ANGPT1: variants seen among roughly 807,000 people sequenced by gnomAD.
ANGPT1 encodes the protein angiopoietin 1.
Under a neutral mutation model 62.2 loss-of-function variants are expected in ANGPT1, and 17 were observed. The ratio of observed to expected loss-of-function variants is 0.27; its 90% CI spans 0.19 to 0.41. The LOEUF (loss-of-function observed/expected upper bound fraction) is 0.41, where lower values mean the gene tolerates loss of function less well. Among genes scored for constraint, ANGPT1 ranks in the 10% least tolerant of loss-of-function variants. ANGPT1 has a pLI of 1.00. For synonymous variants in ANGPT1, 199 were observed against 198.9 expected (o/e 1.00, Z 0.00); for missense variants, 478 against 594.9 (o/e 0.80, Z 2.04).
intron 1 of ANGPT1, among the ~76,000 whole-genome samples, chr8:107,374,534 C>T (rs913779698): frequency 6.6e-6 from 1 of 152,204 alleles, no homozygotes; most frequent in Non-Finnish European, 1.5e-5. Flanking sequence ...ACTTTGAGCT[C>T]ACTAAACTCC....
chr8:107,398,883 T>C (rs192825975), intron 1 of ANGPT1, among the ~76,000 whole-genome samples: 7 of 152,260 alleles, frequency 4.6e-5, no homozygotes, highest in African/African-American at 1.7e-4. Context: ...CTCTAGATGT[T>C]CTAGGAAAAT....
chr8:107,484,816 T>G (rs1812775806), intron 1 of ANGPT1, among the ~76,000 whole-genome samples: 1 of 152,230 alleles, frequency 6.6e-6, no homozygotes, highest in Non-Finnish European at 1.5e-5. Flanking sequence ...GCAGAAAATG[T>G]GATTATGTTA....
intron 8 of ANGPT1, among the ~76,000 whole-genome samples, chr8:107,263,847 C>T (rs553833508): frequency 6.6e-6 from 1 of 152,132 alleles, no homozygotes; most frequent in African/African-American, 2.4e-5. Flanking sequence ...TAACTTACTA[C>T]ATAATTGCGA....
rs553262990 is a variant in ANGPT1, at chr8:107,380,339, G to A, written c.298-33242C>T. 4.0e-4 allele frequency among the ~76,000 whole-genome samples: 57 copies of A among 142,716 alleles called. No individual in the cohort carries two copies. In the South Asian group the frequency reaches 7.4e-3, roughly 18 times the overall value. The allele number at this position is 142,716 out of a possible 152,430, so 93.6% of individuals were successfully genotyped here. Reference sequence around the variant, plus strand: ...ATTTGACATCGAATGTTTATTGAGCGTTTATCATGTGCAGGATGTTTGTGT... The same window carrying A: ...ATTTGACATCGAATGTTTATTGAGCATTTATCATGTGCAGGATGTTTGTGT... On this transcript the variant is annotated intron_variant, in intron 1 of 8. Transcript: ENST00000517746.
chr8:107,382,651 A>T (rs1170541719), intron 1 of ANGPT1, among the ~76,000 whole-genome samples: 1 of 152,114 alleles, frequency 6.6e-6, no homozygotes, highest in Non-Finnish European at 1.5e-5. Context: ...GGGAAAAAAA[A>T]ATGTGCATAA....
chr8:107,315,453 T>A (rs542191631), intron 4 of ANGPT1, among the ~76,000 whole-genome samples: 1 of 152,258 alleles, frequency 6.6e-6, no homozygotes, highest in South Asian at 2.1e-4. Context: ...CATTTTAGTC[T>A]CTGAGATATG....
intron 1 of ANGPT1, among the ~76,000 whole-genome samples, chr8:107,385,705 T>C (rs919443748): frequency 6.6e-6 from 1 of 152,104 alleles, no homozygotes; most frequent in African/African-American, 2.4e-5. Flanking sequence ...CCTTGTTTCA[T>C]TTCAGTTCTC....
Position 107,363,522 on chromosome 8 carries a change from G to T in ANGPT1, c.298-16425C>A, listed in dbSNP as rs1816211097. 2.0e-5 allele frequency among the ~76,000 whole-genome samples: 3 copies of T among 152,304 alleles called. 1 individual carries two copies. The South Asian group carries it at 6.2e-4, about 32-fold the overall frequency. On this transcript the variant is annotated intron_variant, in intron 1 of 8. Coordinates refer to ENST00000517746, the MANE Select transcript of ANGPT1 (RefSeq NM_001146.5). ...AAGTTTTGGACTCTGTTAGCTCTAA[G>T]CTGGCAACTGGCTAGCTGTGTGACT...
intron 1 of ANGPT1, among the ~76,000 whole-genome samples, chr8:107,406,549 C>A (rs1817151553): frequency 6.6e-6 from 1 of 151,872 alleles, no homozygotes; most frequent in Non-Finnish European, 1.5e-5. Flanking sequence ...CAAACTACAT[C>A]AATTAGTAGG....
intron 1 of ANGPT1, among the ~76,000 whole-genome samples, chr8:107,391,099 T>A (rs936700819): frequency 6.6e-6 from 1 of 152,204 alleles, no homozygotes; most frequent in Non-Finnish European, 1.5e-5. Flanking sequence ...AGTTTTAATT[T>A]AAAAATTAAT....
chr8:107,272,879 T>A (rs1813770598), intron 7 of ANGPT1, among the ~76,000 whole-genome samples: 1 of 104,606 alleles, frequency 9.6e-6, no homozygotes. Context: ...TTCCCTTTTT[T>A]AAGAATACAT....
intron 3 of ANGPT1, among the ~76,000 whole-genome samples, chr8:107,322,944 T>A (rs1815190586): frequency 6.6e-6 from 1 of 152,332 alleles, no homozygotes; most frequent in Middle Eastern, 3.4e-3. Context: ...TCATAACCAC[T>A]AGCTTCCTTT....
chr8:107,495,332 T>A (rs1048353550), intron 1 of ANGPT1, among the ~76,000 whole-genome samples: 2 of 152,198 alleles, frequency 1.3e-5, no homozygotes, highest in African/African-American at 4.8e-5. Context: ...AACATTTTAA[T>A]AGTTATTCTT....
At chr8:107,288,554 G>A (rs967387787) in intron 6 of ANGPT1, among the ~76,000 whole-genome samples, 4 of 152,100 alleles carry the variant, frequency 2.6e-5, no homozygotes, top group Non-Finnish European at 4.4e-5. Flanking sequence ...GATTCAGTAT[G>A]TCTGGGGTGG....
At chr8:107,329,727 C>A (rs1240031351) in intron 3 of ANGPT1, among the ~76,000 whole-genome samples, 1 of 151,556 alleles carries the variant, frequency 6.6e-6, no homozygotes, top group African/African-American at 2.4e-5. Context: ...TGGGTTAGAG[C>A]TATTGGGACA....
intron 1 of ANGPT1, among the ~76,000 whole-genome samples, chr8:107,437,989 G>A (rs988196323): frequency 2.0e-5 from 3 of 152,086 alleles, no homozygotes; most frequent in South Asian, 2.1e-4. Flanking sequence ...CTGGACCTGC[G>A]TGACTAGCAC....
At chr8:107,435,604 C>T (rs1214947489) in intron 1 of ANGPT1, among the ~76,000 whole-genome samples, 2 of 152,152 alleles carry the variant, frequency 1.3e-5, no homozygotes, top group Non-Finnish European at 2.9e-5. Flanking sequence ...AGGTAATTTT[C>T]TTACTCCTAC....
chr8:107,410,567 A>G (rs1003157632), intron 1 of ANGPT1, among the ~76,000 whole-genome samples: 14 of 152,182 alleles, frequency 9.2e-5, no homozygotes, highest in South Asian at 2.1e-4. Flanking sequence ...CTGAAAAGCT[A>G]GGTTATTTCT....
chr8:107,353,002 T>C (rs1419505028), intron 1 of ANGPT1, among the ~76,000 whole-genome samples: 1 of 152,210 alleles, frequency 6.6e-6, no homozygotes, highest in Non-Finnish European at 1.5e-5. Context: ...TATATTATTT[T>C]CAGGGATTTC....
Sources: allele counts gnomAD v4.1 joint callset (sites outside exome capture counted in the v4.1 genomes callset), GRCh38; gene constraint gnomAD v4.1.1; transcripts MANE v1.5; gene names NCBI Gene and HGNC (gene_info 2026-07-23, HGNC 2026-07-21).